The following ESYT3 variants were observed in gnomAD, a reference collection of about 807,000 sequenced individuals.
ESYT3 encodes extended synaptotagmin 3, also known as extended synaptotagmin-3.
ESYT3 carries 101 observed loss-of-function variants against 111.5 expected under a neutral mutation model. The ratio of observed to expected loss-of-function variants is 0.91; its 90% CI spans 0.77 to 1.07. The LOEUF (loss-of-function observed/expected upper bound fraction) is 1.07, where lower values mean the gene tolerates loss of function less well. ESYT3 is among the 50% of genes least tolerant of loss of function. The probability of loss-of-function intolerance (pLI) is 0.00; values close to 1 mark genes in which losing one functional copy is unlikely to be tolerated. For missense variants in ESYT3, 1,097 were observed against 1,109.4 expected (o/e 0.99, Z 0.16); for synonymous variants, 416 against 446.8 (o/e 0.93, Z 0.87).
intron 22 of ESYT3, 111 bp downstream of exon 22, chr3:138,476,603 CTTTA>C: frequency 8.7e-7 from 1 of 1,155,420 alleles, no homozygotes; most frequent in Non-Finnish European, 1.3e-6. Context: ...AGATGAACAC[CTTTA>C]TTTAAGGCTT....
intron 19 of ESYT3, 99 bp downstream of exon 19, chr3:138,473,733 A>G: frequency 9.9e-7 from 1 of 1,005,614 alleles, no homozygotes; most frequent in South Asian, 1.5e-5. Flanking sequence ...ACATAGTCCC[A>G]AGATAAATAA....
At chr3:138,436,568 A>T (rs1271602400) in intron 1 of ESYT3, among the ~76,000 whole-genome samples, 1 of 152,222 alleles carries the variant, frequency 6.6e-6, no homozygotes, top group Non-Finnish European at 1.5e-5. Flanking sequence ...TTGGGGGATG[A>T]GGGGCCAAAG....
At chr3:138,439,685 C>T (rs186359173) in intron 1 of ESYT3, among the ~76,000 whole-genome samples, 1 of 152,250 alleles carries the variant, frequency 6.6e-6, no homozygotes, top group East Asian at 1.9e-4. Context: ...TTGATTTGCC[C>T]CTGCCATGAC....
At chr3:138,452,026 C>G (rs755598082) in intron 1 of ESYT3, 22 bp from the exon 2 acceptor site, 1 of 1,613,534 alleles carries the variant, frequency 6.2e-7, no homozygotes, top group Non-Finnish European at 8.5e-7. Context: ...AGTCTAACTT[C>G]CCCTCGGGGC....
intron 1 of ESYT3, among the ~76,000 whole-genome samples, chr3:138,449,836 CCATGCTT>C (rs2031808597): frequency 6.6e-6 from 1 of 152,172 alleles, no homozygotes; most frequent in South Asian, 2.1e-4. Context: ...AGGGCAAGGG[CCATGCTT>C]CATTCATTCA....
intron 4 of ESYT3, 79 bp downstream of exon 4, chr3:138,457,723 A>G: frequency 7.5e-7 from 1 of 1,336,098 alleles, no homozygotes; most frequent in South Asian, 1.2e-5. Context: ...ATGGAGTAGT[A>G]TATATATACT....
intron 8 of ESYT3, 166 bp downstream of exon 8, chr3:138,462,372 T>G: frequency 4.1e-6 from 4 of 973,966 alleles, no homozygotes; most frequent in Non-Finnish European, 6.0e-6. Context: ...AGACATTTTG[T>G]CCTTGGGGTG....
intron 3 of ESYT3, among the ~76,000 whole-genome samples, chr3:138,456,053 A>G (rs2108609834): frequency 6.6e-6 from 1 of 152,394 alleles, no homozygotes; most frequent in Admixed American, 6.5e-5. Flanking sequence ...GTCCAAGTAT[A>G]GGCCAGCCTG....
At chr3:138,457,538 C>G (rs1363050897) in intron 3 of ESYT3, 30 bp from the exon 4 acceptor site, 1 of 1,612,136 alleles carries the variant, frequency 6.2e-7, no homozygotes, top group Admixed American at 1.7e-5. Flanking sequence ...CAAGAAGCCT[C>G]TGACCTAGCC....
At position 138,467,878 on chromosome 3, in the gene ESYT3, G is replaced by C. The variant is rs148115972; in HGVS notation, c.1219-227G>C. ...TTATAGGGGAGGGCAGGCTGGGCCT[G>C]GGTTTTTTTTAATCCCACAGTGTAG... On this transcript the variant is annotated intron_variant, in intron 11 of 22. Coordinates refer to ENST00000389567, the MANE Select transcript of ESYT3 (RefSeq NM_031913.5). Among the ~76,000 whole-genome samples, 469 of 152,220 alleles carry C rather than the reference G, an allele frequency of 3.1e-3. 1 individual carries two copies. Among genetic ancestry groups the C allele is most frequent in the East Asian group, 9.9e-3 (51 of 5,164 alleles).
chr3:138,476,999 G>C lies in ESYT3; in HGVS notation c.*145G>C. The C allele has an allele frequency of 1.8e-6, 1 of 550,306 alleles. No homozygotes were observed. Among genetic ancestry groups the C allele is most frequent in the Non-Finnish European group, 3.1e-6 (1 of 326,512 alleles). 34.1% of individuals were successfully genotyped at this position (550,306 alleles called of 1,614,324 possible). A position where few individuals can be genotyped will look rare whatever the true frequency, so the allele number is the denominator to read the frequency against. ...TTGAAATTATATACATACAATTCTTGTGTGGAATTTAACTCCATGACTGAA... is the reference window on the plus strand; with the variant it reads ...TTGAAATTATATACATACAATTCTTCTGTGGAATTTAACTCCATGACTGAA... On this transcript the variant is annotated 3_prime_UTR_variant, in exon 23 of 23. Transcript: ENST00000389567.
At chr3:138,455,445 C>A in intron 3 of ESYT3, 117 bp downstream of exon 3, 1 of 1,134,192 alleles carries the variant, frequency 8.8e-7, no homozygotes, top group Non-Finnish European at 1.2e-6. Context: ...TCCCACTGGA[C>A]CTTACAGGGG....
At chr3:138,470,464 T>C (rs555670713) in intron 16 of ESYT3, 2 of 1,104,400 alleles carry the variant, frequency 1.8e-6, no homozygotes, top group African/African-American at 1.6e-5. Context: ...TTAAAAAATA[T>C]ATGTTTCATT....
chr3:138,460,566 G>A (rs752111041), intron 6 of ESYT3, 45 bp from the exon 7 acceptor site: 2 of 1,607,210 alleles, frequency 1.2e-6, no homozygotes, highest in Non-Finnish European at 1.7e-6. Flanking sequence ...TCAGCCCTGG[G>A]CTCCCAACCC....
intron 2 of ESYT3, 67 bp downstream of exon 2, chr3:138,452,156 C>G: frequency 6.6e-7 from 1 of 1,503,798 alleles, no homozygotes; most frequent in African/African-American, 1.4e-5. Flanking sequence ...GCGGCTGTCA[C>G]CCCCACAGCC....
intron 3 of ESYT3, among the ~76,000 whole-genome samples, chr3:138,456,051 A>G (rs960956777): frequency 3.3e-5 from 5 of 152,276 alleles, no homozygotes; most frequent in Non-Finnish European, 5.9e-5. Flanking sequence ...GTGTCCAAGT[A>G]TAGGCCAGCC....
chr3:138,435,124 G>A lies in ESYT3; in HGVS notation c.326G>A (p.Trp109Ter). ...CTGCGGGGCCAGCACCTGCCAGCCTGGGTGAGCCAAGCCGGGTGGGAGTGG... is the reference window on the plus strand; with the variant it reads ...CTGCGGGGCCAGCACCTGCCAGCCTAGGTGAGCCAAGCCGGGTGGGAGTGG... ...RELRGQHLPA[W>*]IHFPDVERVE... is the part of the protein sequence containing the mutation. The change falls in exon 1 of 23, where the codon TGG becomes TAG. Residue 109 changes from tryptophan (W) to a stop codon, truncating the protein, a stop_gained and splice_region_variant. Transcript: ENST00000389567. LOFTEE classifies it high-confidence loss of function. The surrounding 1 kb of genome is among the most constrained non-coding windows in gnomAD (Gnocchi z 4.8). 1 of 1,577,710 alleles carries A rather than the reference G, an allele frequency of 6.3e-7. No individual in the cohort carries two copies.
At chr3:138,453,570 A>G (rs541237207) in intron 2 of ESYT3, among the ~76,000 whole-genome samples, 19 of 152,186 alleles carry the variant, frequency 1.2e-4, no homozygotes, top group Non-Finnish European at 2.5e-4. Flanking sequence ...GAAGGGGCAC[A>G]TGGAGGAAGG....
intron 3 of ESYT3, among the ~76,000 whole-genome samples, chr3:138,456,380 T>C (rs1295111205): frequency 1.3e-5 from 2 of 152,192 alleles, no homozygotes; most frequent in East Asian, 1.9e-4. Flanking sequence ...GGAGGGGCTG[T>C]GGGAGTCAGG....
Sources: gnomAD v4.1 joint callset for allele counts (sites outside exome capture counted in the v4.1 genomes callset) on GRCh38, gnomAD v4.1.1 for gene constraint, Gnocchi (gnomAD v3.1) non-coding constraint, MANE v1.5 for transcripts, NCBI Gene and HGNC (gene_info 2026-07-23, HGNC 2026-07-21) for gene names.